MPZL2: variants seen among roughly 807,000 people sequenced by gnomAD.
The protein encoded by MPZL2 is myelin protein zero like 2.
A neutral mutation model predicts 24.5 loss-of-function variants in MPZL2; 32 were observed. The observed-to-expected ratio is 1.31, with a 90% CI of 0.99 to 1.76. The LOEUF (loss-of-function observed/expected upper bound fraction) is 1.76, where lower values mean the gene tolerates loss of function less well. Ranked by LOEUF, MPZL2 falls within the 40% of genes most tolerant of loss-of-function variation. The pLI is 0.00. For synonymous variants in MPZL2, 92 were observed against 97.9 expected, an observed-to-expected ratio of 0.94 and a Z score of 0.36; for missense variants, 304 against 274.9, an observed-to-expected ratio of 1.11 and a Z score of -0.75.
rs766094939 is a variant in MPZL2, at chr11:118,260,049, CT to C, written c.584+4del. The C allele has an allele frequency of 3.1e-6, 5 of 1,613,838 alleles. No individual in the cohort carries two copies. The South Asian group carries it at 5.5e-5, about 18-fold the overall frequency. On this transcript the variant is annotated splice_donor_region_variant and intron_variant, in intron 4 of 5. Coordinates refer to ENST00000278937, the MANE Select transcript of MPZL2 (RefSeq NM_005797.4). ...TAGAACTTTCCCAGAACTGCCCAGC[CT>C]TACGATTTTATCTCCACCACTTTAT... is the stretch of plus-strand genomic sequence containing the variant.
In MPZL2 at chr11:118,264,284, C is replaced by T. The variant is rs1949724092; in HGVS notation, c.-131G>A. 1.2e-6 allele frequency: 1 copy of T among 806,110 alleles called. No individual in the cohort carries two copies. The allele number at this position is 806,110 out of a possible 1,614,324, so 49.9% of individuals were successfully genotyped here. ...AGAGGAGTTTGAGTTGAGTTCCTCA[C>T]CTGTGCCTGTGACTCAGCCCGCTCT... On this transcript the variant is annotated 5_prime_UTR_variant, in exon 1 of 6. In the 5' UTR this introduces an upstream ATG that the reference lacks. Coordinates refer to ENST00000278937, the MANE Select transcript of MPZL2 (RefSeq NM_005797.4).
rs2134731720 is a variant in MPZL2 at position 118,260,131 on chromosome 11, T to C, written c.507A>G (p.Val169=). The part of the protein sequence containing the change: ...GSACALMIII[V]IVVVLFQHYR... ...AATGCTGGAAGAGGACCACTACAAT[T>C]ACTATTATGATCATCAGTGCACAGG... The change falls in exon 4 of 6, where the codon GTA becomes GTG. Residue 169 remains valine (V), a synonymous_variant. Transcript: ENST00000278937. 5.0e-6 allele frequency: 8 copies of C among 1,614,082 alleles called. No homozygotes were observed. The highest frequency in any genetic ancestry group is 1.6e-4 in the Middle Eastern group (1 of 6,062).
At chr11:118,263,574 A>G (rs1196439488) in intron 1 of MPZL2, among the ~76,000 whole-genome samples, 10 of 152,180 alleles carry the variant, frequency 6.6e-5, no homozygotes, top group Admixed American at 6.5e-4. Context: ...TTACTAGTCT[A>G]TTGCAGAAAC....
chr11:118,262,802 C>T, intron 2 of MPZL2, 129 bp downstream of exon 2: 1 of 1,388,442 alleles, frequency 7.2e-7, no homozygotes, highest in Non-Finnish European at 1.0e-6. Context: ...AGTCTCTGTC[C>T]CAAGAATTGT....
intron 4 of MPZL2, 65 bp downstream of exon 4, chr11:118,259,989 C>A (rs542386183): frequency 1.9e-6 from 3 of 1,567,126 alleles, no homozygotes; most frequent in African/African-American, 2.7e-5. Flanking sequence ...ACTATTTAGC[C>A]CACTGCAAAA....
intron 5 of MPZL2, 106 bp from the exon 6 acceptor site, chr11:118,255,339 T>G (rs1208890049): frequency 6.6e-6 from 1 of 152,222 alleles, no homozygotes; most frequent in East Asian, 1.9e-4. Flanking sequence ...GAAAATATTC[T>G]GAGGGAAAGT....
intron 4 of MPZL2, chr11:118,257,584 A>G (rs1044999434): frequency 6.4e-6 from 2 of 310,900 alleles, no homozygotes; most frequent in Non-Finnish European, 5.8e-6. Context: ...ACCTTATTTT[A>G]CCATTAGTAT....
intron 1 of MPZL2, 72 bp from the exon 2 acceptor site, chr11:118,263,169 CA>C: frequency 6.9e-7 from 1 of 1,443,340 alleles, no homozygotes; most frequent in Admixed American, 2.1e-5. Context: ...CTGACACTTC[CA>C]AAATAAATAT....
At chr11:118,257,933 C>A (rs1949672641) in intron 4 of MPZL2, among the ~76,000 whole-genome samples, 1 of 151,976 alleles carries the variant, frequency 6.6e-6, no homozygotes, top group African/African-American at 2.4e-5. Flanking sequence ...TCGCTTGAAC[C>A]CAGGAGGCGG....
At chr11:118,255,606 T>C (rs1051292111) in intron 5 of MPZL2, among the ~76,000 whole-genome samples, 3 of 150,858 alleles carry the variant, frequency 2.0e-5, no homozygotes, top group Non-Finnish European at 4.5e-5. Context: ...AATTCATTCT[T>C]TTCTTTTCTT....
Position 118,260,141 on chromosome 11 carries a change from A to G in MPZL2, c.497T>C (p.Ile166Thr). 1 of 1,614,110 alleles carries G rather than the reference A, an allele frequency of 6.2e-7. No individual in the cohort carries two copies. The highest frequency in any genetic ancestry group is 8.5e-7 in the Non-Finnish European group (1 of 1,179,980). Residue 166 changes from isoleucine to threonine, a missense_variant, in exon 4 of 6, where the codon ATC becomes ACC. Transcript: ENST00000278937. ...GAGGACCACTACAATTACTATTATG[A>G]TCATCAGTGCACAGGCAGAGCCAAT... ...LAIGSACALM[I>T]IIVIVVVLFQ...
At chr11:118,255,284 A>G (rs534425430) in intron 5 of MPZL2, 51 bp from the exon 6 acceptor site, 134 of 152,340 alleles carry the variant, frequency 8.8e-4, no homozygotes, top group African/African-American at 3.1e-3. Context: ...AGAAGAGTAC[A>G]ATAGGAATAC....
At position 118,262,317 on chromosome 11, in the gene MPZL2, T is replaced by C. The variant is rs1384518337; in HGVS notation, c.436+121A>G. On this transcript the variant is annotated intron_variant, in intron 3 of 5. Transcript: ENST00000278937. ...TCTGAGGCTCCCAGTTCTGAAGGGC[T>C]AGTCCCTCTCTCTATCCATCACAAA... The C allele has an allele frequency of 3.9e-6, 4 of 1,038,394 alleles. No homozygotes were observed. In the East Asian group the frequency reaches 7.6e-5, roughly 20 times the overall value. 64.3% of individuals were successfully genotyped at this position (1,038,394 alleles called of 1,614,324 possible).
At position 118,253,684 on chromosome 11, in the gene MPZL2, G is replaced by GGT. The variant is rs1211272342; in HGVS notation, c.*1560_*1561dup. The GGT allele has an allele frequency of 6.6e-6, 1 of 152,050 alleles. No individual in the cohort carries two copies. The highest frequency in any genetic ancestry group is 1.5e-5 in the Non-Finnish European group (1 of 67,978). The allele number at this position is 152,050 out of a possible 1,614,324, so 9.4% of individuals were successfully genotyped here. On this transcript the variant is annotated 3_prime_UTR_variant, in exon 6 of 6. Coordinates refer to ENST00000278937, the MANE Select transcript of MPZL2 (RefSeq NM_005797.4). ...AATATCCAGTTATAATATTTTCAAA[G>GGT]GTTAGAATTGTGAAGAAAAAATATA...
chr11:118,260,678 G>A (rs997585438), intron 3 of MPZL2, among the ~76,000 whole-genome samples: 16 of 152,098 alleles, frequency 1.1e-4, no homozygotes, highest in African/African-American at 3.9e-4. Context: ...TTTATTAAGG[G>A]CCTACTACAT....
rs1246733928 is a variant in MPZL2, at chr11:118,260,015, T to C, written c.584+39A>G. The stretch of plus-strand genomic sequence containing the variant: ...CACTGCAAAATACCAAGAGTCGCCA[T>C]AAGAGTGTTAGAACTTTCCCAGAAC... On this transcript the variant is annotated intron_variant, in intron 4 of 5. Coordinates refer to ENST00000278937, the MANE Select transcript of MPZL2 (RefSeq NM_005797.4). 1.9e-6 allele frequency: 3 copies of C among 1,611,728 alleles called. No individual in the cohort carries two copies. In the East Asian group the frequency reaches 6.7e-5, roughly 36 times the overall value.
chr11:118,262,420 GT>G lies in MPZL2; in HGVS notation c.436+17del, dbSNP rs1565500799. 2 of 1,612,064 alleles carry G rather than the reference GT, an allele frequency of 1.2e-6. No individual in the cohort carries two copies. On this transcript the variant is annotated intron_variant, in intron 3 of 5. Transcript: ENST00000278937. ...AGCTCTCATCCTTTCCAAAACCACT[GT>G]TCCCTGCATAACCTACCAGTGTGCA...
chr11:118,264,287 G>A lies in MPZL2; in HGVS notation c.-134C>T. ...GGAGTTTGAGTTGAGTTCCTCACCT[G>A]TGCCTGTGACTCAGCCCGCTCTGCC... On this transcript the variant is annotated 5_prime_UTR_variant, in exon 1 of 6. Coordinates refer to ENST00000278937, the MANE Select transcript of MPZL2 (RefSeq NM_005797.4). 2.5e-6 allele frequency: 2 copies of A among 801,944 alleles called. No individual in the cohort carries two copies. Among genetic ancestry groups the A allele is most frequent in the Non-Finnish European group, 2.1e-6 (1 of 476,696 alleles). 49.7% of individuals were successfully genotyped at this position (801,944 alleles called of 1,614,324 possible). A position where few individuals can be genotyped will look rare whatever the true frequency, so the allele number is the denominator to read the frequency against.
At position 118,264,187 on chromosome 11, in the gene MPZL2, C is replaced by A; in HGVS notation, c.-34G>T. On this transcript the variant is annotated 5_prime_UTR_variant, in exon 1 of 6. Coordinates refer to ENST00000278937, the MANE Select transcript of MPZL2 (RefSeq NM_005797.4). ...CCCAGCCTTGGCCCCAGAGACCGGA[C>A]GGGGCAGACCGAGGGCTCCAACACC... 1 of 1,608,412 alleles carries A rather than the reference C, an allele frequency of 6.2e-7. No individual in the cohort carries two copies. Among genetic ancestry groups the A allele is most frequent in the Non-Finnish European group, 8.5e-7 (1 of 1,175,134 alleles).
Sources: gnomAD v4.1 joint callset for allele counts (sites outside exome capture counted in the v4.1 genomes callset) on GRCh38, gnomAD v4.1.1 for gene constraint, MANE v1.5 for transcripts, NCBI Gene and HGNC (gene_info 2026-07-23, HGNC 2026-07-21) for gene names.